The following LMAN2 variants were observed in gnomAD, a reference collection of about 807,000 sequenced individuals.
The protein encoded by LMAN2 is vesicular integral-membrane protein VIP36.
A neutral mutation model predicts 39.3 loss-of-function variants in LMAN2; 22 were observed. That is an observed-to-expected ratio of 0.56 (90% CI 0.40 to 0.80). The LOEUF (loss-of-function observed/expected upper bound fraction) is 0.80. Ranked by LOEUF, LMAN2 falls within the 30% of genes least tolerant of loss-of-function variation. LMAN2 has a pLI of 0.00. For missense variants in LMAN2, 494 were observed against 505.4 expected (o/e 0.98, Z 0.22); for synonymous variants, 207 against 207.8 (o/e 1.00, Z 0.03).
At chr5:177,341,169 C>T (rs1190507968) in intron 2 of LMAN2, among the ~76,000 whole-genome samples, 3 of 150,092 alleles carry the variant, frequency 2.0e-5, no homozygotes, top group South Asian at 2.1e-4. Context: ...TGGGTTCAAG[C>T]GATTCTCCTG....
chr5:177,345,635 G>A (rs1424532684), intron 2 of LMAN2, among the ~76,000 whole-genome samples: 1 of 152,072 alleles, frequency 6.6e-6, no homozygotes, highest in East Asian at 1.9e-4. Context: ...GGCCACAGGC[G>A]CTGCAGAGCT....
intron 6 of LMAN2, among the ~76,000 whole-genome samples, chr5:177,336,090 T>A (rs1235069528): frequency 6.6e-6 from 1 of 151,928 alleles, no homozygotes; most frequent in African/African-American, 2.4e-5. Context: ...GACTCAAAGA[T>A]GGTAAATATT....
chr5:177,342,002 G>A (rs938433188), intron 2 of LMAN2, among the ~76,000 whole-genome samples: 20 of 151,992 alleles, frequency 1.3e-4, no homozygotes, highest in Admixed American at 1.3e-3. Context: ...TAACCTAAAA[G>A]AAGACTAGAG....
chr5:177,350,857 A>C (rs1581607826), intron 2 of LMAN2, among the ~76,000 whole-genome samples: 1 of 152,168 alleles, frequency 6.6e-6, no homozygotes, highest in Non-Finnish European at 1.5e-5. Flanking sequence ...CAGTTCCACT[A>C]CTTTCTGGCT....
intron 2 of LMAN2, among the ~76,000 whole-genome samples, chr5:177,349,039 C>T (rs998519126): frequency 2.0e-5 from 3 of 152,122 alleles, no homozygotes. Context: ...ATTTTTGATG[C>T]CAACTTTTCA....
At chr5:177,348,442 T>C (rs983901699) in intron 2 of LMAN2, among the ~76,000 whole-genome samples, 1 of 152,040 alleles carries the variant, frequency 6.6e-6, no homozygotes, top group African/African-American at 2.4e-5. Flanking sequence ...ATCCTAGCAC[T>C]TTGGGAGGCC....
chr5:177,333,431 A>C (rs1028606332), intron 7 of LMAN2, among the ~76,000 whole-genome samples: 4 of 152,266 alleles, frequency 2.6e-5, no homozygotes, highest in Non-Finnish European at 5.9e-5. Flanking sequence ...AGCAGCTGGC[A>C]GCCTTCTGAC....
Position 177,337,271 on chromosome 5 carries a change from A to G in LMAN2, c.676-21T>C. 1 of 1,613,394 alleles carries G rather than the reference A, an allele frequency of 6.2e-7. No homozygotes were observed. The highest frequency in any genetic ancestry group is 1.7e-4 in the Middle Eastern group (1 of 6,060). ...ATCACCTGCAGGGCCCAGCACGCTA[A>G]GCACCTCGCAGGACAGCAGCCTGCC... On this transcript the variant is annotated intron_variant, in intron 5 of 7. Transcript: ENST00000303127. This position sits in a 1 kb window ranked among gnomAD's most constrained non-coding sequence, Gnocchi z 8.2.
chr5:177,344,303 T>G (rs1296918417), intron 2 of LMAN2, among the ~76,000 whole-genome samples: 14 of 97,194 alleles, frequency 1.4e-4, no homozygotes, highest in Non-Finnish European at 2.4e-4. Context: ...TTTTTTTTTT[T>G]GAGACAGAGT....
intron 3 of LMAN2, among the ~76,000 whole-genome samples, chr5:177,338,186 A>G (rs1383345965): frequency 6.6e-6 from 1 of 152,202 alleles, no homozygotes; most frequent in Non-Finnish European, 1.5e-5. Context: ...TCACAGCCAC[A>G]CAGTCTTCAT....
intron 7 of LMAN2, among the ~76,000 whole-genome samples, chr5:177,334,013 C>T (rs532317851): frequency 1.5e-4 from 23 of 152,370 alleles, no homozygotes; most frequent in African/African-American, 5.3e-4. Context: ...ACTCACGTGA[C>T]TAGGATGTCC....
chr5:177,338,978 T>C (rs1032573898), intron 2 of LMAN2, among the ~76,000 whole-genome samples: 1 of 152,222 alleles, frequency 6.6e-6, no homozygotes, highest in African/African-American at 2.4e-5. Flanking sequence ...CCTGGAACCT[T>C]CTGCAGACGT....
Position 177,339,186 on chromosome 5 carries a change from G to A in LMAN2, c.316-581C>T, listed in dbSNP as rs77803477. 8.3e-3 allele frequency among the ~76,000 whole-genome samples: 1,266 copies of A among 152,126 alleles called. 9 individuals carry two copies. Among genetic ancestry groups the A allele is most frequent in the East Asian group, 0.053 (272 of 5,176 alleles). On this transcript the variant is annotated intron_variant, in intron 2 of 7. Coordinates refer to ENST00000303127, the MANE Select transcript of LMAN2 (RefSeq NM_006816.3). ...CTCTGCTCTGCCTTCAGTACTTCCC[G>A]CGGCCTGCAGGCCTTTCACATAAAT...
At chr5:177,338,642 C>T (rs1185954848) in intron 2 of LMAN2, 37 bp from the exon 3 acceptor site, 5 of 1,572,936 alleles carry the variant, frequency 3.2e-6, no homozygotes, top group Non-Finnish European at 4.4e-6. Context: ...CAGAGCTCCC[C>T]AGGGCCTTCC....
chr5:177,346,221 G>A (rs1761636088), intron 2 of LMAN2: 1 of 187,548 alleles, frequency 5.3e-6, no homozygotes, highest in African/African-American at 2.4e-5. Context: ...ATCTCAAAGT[G>A]AAAAGACCAG....
At chr5:177,342,715 C>T (rs1487736999) in intron 2 of LMAN2, among the ~76,000 whole-genome samples, 1 of 151,776 alleles carries the variant, frequency 6.6e-6, no homozygotes, top group Non-Finnish European at 1.5e-5. Flanking sequence ...AACAAAAAAA[C>T]CCTTTAAAAC....
At chr5:177,336,955 G>A (rs1290205223) in intron 6 of LMAN2, 181 bp downstream of exon 6, 2 of 606,836 alleles carry the variant, frequency 3.3e-6, no homozygotes, top group South Asian at 2.0e-5. Flanking sequence ...ACACAGCCAG[G>A]TGAGCCCAGA....
chr5:177,333,423 C>A (rs1319158942), intron 7 of LMAN2, among the ~76,000 whole-genome samples: 1 of 152,272 alleles, frequency 6.6e-6, no homozygotes, highest in African/African-American at 2.4e-5. Flanking sequence ...AAACACCCAG[C>A]AGCTGGCAGC....
At chr5:177,351,118 G>A in intron 2 of LMAN2, 55 bp downstream of exon 2, 1 of 1,500,826 alleles carries the variant, frequency 6.7e-7, no homozygotes, top group Non-Finnish European at 9.3e-7. Context: ...CTGCTCGGGA[G>A]GCAGGGACTA....
Sources: gnomAD v4.1 joint callset for allele counts (sites outside exome capture counted in the v4.1 genomes callset) on GRCh38, gnomAD v4.1.1 for gene constraint, Gnocchi (gnomAD v3.1) non-coding constraint, MANE v1.5 for transcripts, NCBI Gene and HGNC (gene_info 2026-07-23, HGNC 2026-07-21) for gene names.